The following OR8B4 variants were observed in gnomAD, a reference collection of about 807,000 sequenced individuals.
OR8B4 encodes olfactory receptor 8B4.
Under a neutral mutation model 1.3 loss-of-function variants are expected in OR8B4, and 3 were observed. The ratio of observed to expected loss-of-function variants is 2.37; its 90% CI spans 1.08 to 6.13. The LOEUF (loss-of-function observed/expected upper bound fraction) is 6.13. Ranked by LOEUF, OR8B4 falls within the 30% of genes most tolerant of loss-of-function variation. The pLI, the probability that OR8B4 is intolerant of heterozygous loss-of-function variation, is 0.02. For synonymous variants in OR8B4, 139 were observed against 144.2 expected (o/e 0.96, Z 0.26); for missense variants, 360 against 368.9 (o/e 0.98, Z 0.20).
Position 124,424,395 on chromosome 11 carries a change from AGT to A in OR8B4, c.475_476del (p.Thr159TrpfsTer10), listed in dbSNP as rs1861290588. 6.2e-7 allele frequency: 1 copy of A among 1,614,130 alleles called. No homozygotes were observed. The highest frequency in any genetic ancestry group is 1.3e-5 in the African/African-American group (1 of 75,046). Reference protein sequence around the residue: ...VVGFAGAMAHTGSMLRLTFCD... With the variant: ...VVGFAGAMAHXGSMLRLTFCD... ...AGAAGGTCAGTCGCAGCATGCTTCCAGTGTGGGCCATGGCCCCAGCAAACCCT... is the reference window on the plus strand; with the variant it reads ...AGAAGGTCAGTCGCAGCATGCTTCCAGTGGGCCATGGCCCCAGCAAACCCT... On this transcript the variant is annotated frameshift_variant, in exon 1 of 1. Coordinates refer to ENST00000356130, the MANE Select transcript of OR8B4 (RefSeq NM_001005196.1). LOFTEE classifies it low-confidence loss of function (END_TRUNC).
chr11:124,424,352 C>T lies in OR8B4; in HGVS notation c.520G>A (p.Asp174Asn). ...RLTFCDSNVI[D>N]HYLCDVLPLL... ...GGGAGAACGTCACACAGATAATGGTCAATGACGTTGGAATCACAGAAGGTC... is the reference window on the plus strand; with the variant it reads ...GGGAGAACGTCACACAGATAATGGTTAATGACGTTGGAATCACAGAAGGTC... The change falls in exon 1 of 1, where the codon GAC becomes AAC. Residue 174 changes from aspartate (D) to asparagine (N), a missense_variant. Coordinates refer to ENST00000356130, the MANE Select transcript of OR8B4 (RefSeq NM_001005196.1). 1.2e-6 allele frequency: 2 copies of T among 1,613,942 alleles called. No homozygotes were observed. Among genetic ancestry groups the T allele is most frequent in the Non-Finnish European group, 1.7e-6 (2 of 1,179,968 alleles).
chr11:124,424,635 G>C lies in OR8B4; in HGVS notation c.237C>G (p.Pro79=), dbSNP rs373589408. 48 of 1,614,022 alleles carry C rather than the reference G, an allele frequency of 3.0e-5. No homozygotes were observed. In the African/African-American group the frequency reaches 5.7e-4, roughly 19 times the overall value. Residue 79 remains proline, a synonymous_variant, in exon 1 of 1, where the codon CCC becomes CCG. Transcript: ENST00000356130. ...CTGAAACAAAGTCATTCAGCATTTT[G>C]GGGGTAAACACACAGGAATAACAGA... is the stretch of plus-strand genomic sequence containing the variant. ...IDLCYSCVFT[P]KMLNDFVSES... is the part of the protein sequence containing the mutation.
In OR8B4 at chr11:124,424,025, TG is replaced by T; in HGVS notation, c.846del (p.Met283CysfsTer9). 1 of 1,614,172 alleles carries T rather than the reference TG, an allele frequency of 6.2e-7. No homozygotes were observed. Among genetic ancestry groups the T allele is most frequent in the Non-Finnish European group, 8.5e-7 (1 of 1,180,026 alleles). ...AAACTGTAGATCGAAGGGTTAAGCA[TG>T]GGAACCACATTGGTGTAAAAGACTG... ...FASVFYTNVV[P>X]MLNPSIYSLR... On this transcript the variant is annotated frameshift_variant, in exon 1 of 1. Transcript: ENST00000356130. LOFTEE classifies it high-confidence loss of function.
At position 124,424,029 on chromosome 11, in the gene OR8B4, A is replaced by T. The variant is rs970270078; in HGVS notation, c.843T>A (p.Val281=). The change falls in exon 1 of 1, where the codon GTT becomes GTA. Residue 281 remains valine (V), a synonymous_variant. Coordinates refer to ENST00000356130, the MANE Select transcript of OR8B4 (RefSeq NM_001005196.1). ...TGTAGATCGAAGGGTTAAGCATGGG[A>T]ACCACATTGGTGTAAAAGACTGAGG... ...RFASVFYTNV[V]PMLNPSIYSL... 1 of 1,614,172 alleles carries T rather than the reference A, an allele frequency of 6.2e-7. No homozygotes were observed. The highest frequency in any genetic ancestry group is 8.5e-7 in the Non-Finnish European group (1 of 1,180,012).
Position 124,424,297 on chromosome 11 carries a change from T to C in OR8B4, c.575A>G (p.His192Arg). Residue 192 changes from histidine to arginine, a missense_variant, in exon 1 of 1, where the codon CAT becomes CGT. Physicochemically the swap from His to Arg is conservative, Grantham distance 29. Coordinates refer to ENST00000356130, the MANE Select transcript of OR8B4 (RefSeq NM_001005196.1). ...PLLQLSCTSTHVSELVFFIVV... is the reference protein window; with the variant it reads ...PLLQLSCTSTRVSELVFFIVV... ...AATGAAAAATACCAGCTCACTGACA[T>C]GGGTGCTGGTGCAGGAGAGCTGCAA... The C allele has an allele frequency of 6.2e-7, 1 of 1,613,686 alleles. No homozygotes were observed.
chr11:124,424,630 A>C lies in OR8B4; in HGVS notation c.242T>G (p.Met81Arg). ...ACTTTCTGAAACAAAGTCATTCAGCATTTTGGGGGTAAACACACAGGAATA... is the reference window on the plus strand; with the variant it reads ...ACTTTCTGAAACAAAGTCATTCAGCCTTTTGGGGGTAAACACACAGGAATA... ...LCYSCVFTPK[M>R]LNDFVSESII... Residue 81 changes from methionine (M) to arginine (R), a missense_variant, in exon 1 of 1, where the codon ATG (methionine) becomes AGG (arginine). Physicochemically the swap from Met to Arg is moderately conservative, Grantham distance 91. Transcript: ENST00000356130. 2 of 1,614,150 alleles carry C rather than the reference A, an allele frequency of 1.2e-6. No individual in the cohort carries two copies. Among genetic ancestry groups the C allele is most frequent in the Non-Finnish European group, 8.5e-7 (1 of 1,179,982 alleles).
chr11:124,424,221 G>GT lies in OR8B4; in HGVS notation c.650dup (p.Tyr217Ter). 2 of 1,614,170 alleles carry GT rather than the reference G, an allele frequency of 1.2e-6. No individual in the cohort carries two copies. Among genetic ancestry groups the GT allele is most frequent in the Non-Finnish European group, 1.7e-6 (2 of 1,180,006 alleles). The change falls in exon 1 of 1, where the codon TAC becomes TAAC. Residue 217 changes from tyrosine (Y) to a stop codon, truncating the protein, a stop_gained and frameshift_variant. Transcript: ENST00000356130. LOFTEE classifies it low-confidence loss of function (END_TRUNC). ...MLSSISIVISYALILSNILCI... is the reference protein window; with the variant it reads ...MLSSISIVIS Reference sequence around the variant, plus strand: ...AGAGGATGTTGGAGAGTATCAAAGCGTAAGAGATGACGATGCTTATGCTGG... The same window carrying GT: ...AGAGGATGTTGGAGAGTATCAAAGCGTTAAGAGATGACGATGCTTATGCTGG...
At position 124,424,482 on chromosome 11, in the gene OR8B4, G is replaced by A. The variant is rs1254222774; in HGVS notation, c.390C>T (p.Leu130=). 1 of 1,614,008 alleles carries A rather than the reference G, an allele frequency of 6.2e-7. No individual in the cohort carries two copies. Among genetic ancestry groups the A allele is most frequent in the Non-Finnish European group, 8.5e-7 (1 of 1,180,010 alleles). The change falls in exon 1 of 1, where the codon CTC becomes CTT. Residue 130 remains leucine (L), a synonymous_variant. Transcript: ENST00000356130. ...DRYVAICNPL[L]YMVTMSPRVC... ...CCCTTGGGGACATGGTGACCATGTA[G>A]AGCAGGGGGTTGCAGATGGCCACAT... is the stretch of plus-strand genomic sequence containing the variant.
rs537701169 is a variant in OR8B4 at position 124,424,143 on chromosome 11, G to A, written c.729C>T (p.His243=). The change falls in exon 1 of 1, where the codon CAC becomes CAT. Residue 243 remains histidine, a synonymous_variant. Transcript: ENST00000356130. ...CAAAAAACAGAGCAACAGCAATTATGTGGGAGCCCCATGTGCTAAAGGCTT... is the reference window on the plus strand; with the variant it reads ...CAAAAAACAGAGCAACAGCAATTATATGGGAGCCCCATGTGCTAAAGGCTT... The part of the protein sequence containing the change: ...RSKAFSTWGS[H]IIAVALFFGS... The A allele has an allele frequency of 1.9e-6, 3 of 1,614,230 alleles. No homozygotes were observed. The Admixed American group carries it at 5.0e-5, about 27-fold the overall frequency.
At position 124,424,220 on chromosome 11, in the gene OR8B4, CG is replaced by C; in HGVS notation, c.651del (p.Tyr217Ter). ...CAGAGGATGTTGGAGAGTATCAAAG[CG>C]TAAGAGATGACGATGCTTATGCTGG... ...MLSSISIVIS[Y>X]ALILSNILCI... On this transcript the variant is annotated frameshift_variant, in exon 1 of 1. Coordinates refer to ENST00000356130, the MANE Select transcript of OR8B4 (RefSeq NM_001005196.1). LOFTEE classifies it low-confidence loss of function (END_TRUNC). 6.2e-7 allele frequency: 1 copy of C among 1,614,184 alleles called. No homozygotes were observed. Among genetic ancestry groups the C allele is most frequent in the Non-Finnish European group, 8.5e-7 (1 of 1,180,032 alleles).
chr11:124,424,076 A>G lies in OR8B4; in HGVS notation c.796T>C (p.Ser266Pro), dbSNP rs1349138949. The change falls in exon 1 of 1, where the codon TCT (serine) becomes CCT (proline). Residue 266 changes from serine to proline, a missense_variant. Ser to Pro is a moderately conservative substitution (Grantham distance 74). Coordinates refer to ENST00000356130, the MANE Select transcript of OR8B4 (RefSeq NM_001005196.1). ...FTYLTTSFPG[S>P]MNHGRFASVF... Reference sequence around the variant, plus strand: ...GAGGCAAATCTGCCATGGTTCATAGAGCCAGGAAAAGATGTTGTTAAGTAG... The same window carrying G: ...GAGGCAAATCTGCCATGGTTCATAGGGCCAGGAAAAGATGTTGTTAAGTAG... 3 of 1,614,198 alleles carry G rather than the reference A, an allele frequency of 1.9e-6. No individual in the cohort carries two copies. The highest frequency in any genetic ancestry group is 1.7e-5 in the Admixed American group (1 of 60,012).
chr11:124,424,193 T>C lies in OR8B4; in HGVS notation c.679A>G (p.Ile227Val). The change falls in exon 1 of 1, where the codon ATT becomes GTT. Residue 227 changes from isoleucine to valine, a missense_variant. By Grantham distance (29) the Ile-to-Val change is conservative (BLOSUM62 3). Coordinates refer to ENST00000356130, the MANE Select transcript of OR8B4 (RefSeq NM_001005196.1). The part of the protein sequence containing the change: ...YALILSNILC[I>V]PSAEGRSKAF... The stretch of plus-strand genomic sequence containing the variant: ...TTGGATCTGCCCTCTGCAGAAGGAA[T>C]ACAGAGGATGTTGGAGAGTATCAAA... 1.2e-6 allele frequency: 2 copies of C among 1,614,166 alleles called. No homozygotes were observed. Among genetic ancestry groups the C allele is most frequent in the South Asian group, 2.2e-5 (2 of 91,084 alleles).
In OR8B4 at chr11:124,424,047, G is replaced by A; in HGVS notation, c.825C>T (p.Val275=). 6.2e-7 allele frequency: 1 copy of A among 1,614,152 alleles called. No individual in the cohort carries two copies. The highest frequency in any genetic ancestry group is 8.5e-7 in the Non-Finnish European group (1 of 1,179,996). Residue 275 remains valine (V), a synonymous_variant, in exon 1 of 1, where the codon GTC becomes GTT. Coordinates refer to ENST00000356130, the MANE Select transcript of OR8B4 (RefSeq NM_001005196.1). ...GCATGGGAACCACATTGGTGTAAAA[G>A]ACTGAGGCAAATCTGCCATGGTTCA... The part of the protein sequence containing the change: ...GSMNHGRFAS[V]FYTNVVPMLN...
Position 124,424,378 on chromosome 11 carries a change from A to G in OR8B4, c.494T>C (p.Leu165Pro), listed in dbSNP as rs1265653962. 3 of 1,614,106 alleles carry G rather than the reference A, an allele frequency of 1.9e-6. No individual in the cohort carries two copies. The highest frequency in any genetic ancestry group is 2.5e-6 in the Non-Finnish European group (3 of 1,179,998). The change falls in exon 1 of 1, where the codon CTG becomes CCG. Residue 165 changes from leucine to proline, a missense_variant. By Grantham distance (98) the Leu-to-Pro change is moderately conservative. Transcript: ENST00000356130. Reference protein sequence around the residue: ...AMAHTGSMLRLTFCDSNVIDH... With the variant: ...AMAHTGSMLRPTFCDSNVIDH... ...AATGACGTTGGAATCACAGAAGGTC[A>G]GTCGCAGCATGCTTCCAGTGTGGGC...
Sources: gnomAD v4.1 joint callset for allele counts on GRCh38, gnomAD v4.1.1 for gene constraint, MANE v1.5 for transcripts, NCBI Gene and HGNC (gene_info 2026-07-23, HGNC 2026-07-21) for gene names.